ZEB2: variants seen among roughly 807,000 people sequenced by gnomAD.
ZEB2 encodes zinc finger E-box binding homeobox 2.
ZEB2 carries 6 observed loss-of-function variants against 99.9 expected under a neutral mutation model. The ratio of observed to expected loss-of-function variants is 0.06; its 90% CI spans 0.03 to 0.12. ZEB2 has a LOEUF of 0.12. Among genes scored for constraint, ZEB2 ranks in the 10% least tolerant of loss-of-function variants. The pLI, the probability that ZEB2 is intolerant of heterozygous loss-of-function variation, is 1.00. For missense variants in ZEB2, 969 were observed against 1,502.8 expected (o/e 0.64, Z 5.87); for synonymous variants, 517 against 542.5 (o/e 0.95, Z 0.65).
chr2:144,517,961 C>T (rs1705191226), intron 1 of ZEB2: 1 of 385,356 alleles, frequency 2.6e-6, no homozygotes, highest in Non-Finnish European at 4.8e-6. Flanking sequence ...CTCCCCTCCC[C>T]TTTTGGAGTT....
rs10710970 is a variant in ZEB2 at position 144,486,370 on chromosome 2, G to GT, written c.73+30907dup. ...AAAATGTCAAATAAGGTACTAGAAG[G>GT]TTTTTTTTTTTTTTAAAGAAAGAAT... is the stretch of plus-strand genomic sequence containing the variant. On this transcript the variant is annotated intron_variant, in intron 2 of 9. Coordinates refer to ENST00000627532, the MANE Select transcript of ZEB2 (RefSeq NM_014795.4). Among the ~76,000 whole-genome samples the GT allele has an allele frequency of 3.8e-3, 561 of 145,920 alleles. 4 individuals carry two copies. The highest frequency in any genetic ancestry group is 0.013 in the African/African-American group (529 of 40,074).
chr2:144,410,950 T>C (rs538838380), intron 4 of ZEB2, among the ~76,000 whole-genome samples: 1 of 150,686 alleles, frequency 6.6e-6, no homozygotes, highest in East Asian at 2.0e-4. Flanking sequence ...GTGCCAGTGT[T>C]CTTGGAAATG....
intron 2 of ZEB2, among the ~76,000 whole-genome samples, chr2:144,467,204 A>G (rs972345809): frequency 6.6e-6 from 1 of 152,184 alleles, no homozygotes; most frequent in African/African-American, 2.4e-5. Context: ...TAAAACTAAA[A>G]TAATTTTTAA....
chr2:144,389,797 T>C lies in ZEB2; in HGVS notation c.3299A>G (p.His1100Arg), dbSNP rs1703132438. 1 of 1,611,244 alleles carries C rather than the reference T, an allele frequency of 6.2e-7. No homozygotes were observed. The highest frequency in any genetic ancestry group is 8.5e-7 in the Non-Finnish European group (1 of 1,178,048). Residue 1100 changes from histidine (H) to arginine (R), a missense_variant, in exon 10 of 10, where the codon CAC becomes CGC. Transcript: ENST00000627532. This position sits in a 1 kb window ranked among gnomAD's most constrained non-coding sequence, Gnocchi z 6.8. The stretch of plus-strand genomic sequence containing the variant: ...CATCAGCAGCTCGGTGGGTTCCAAG[T>C]GCCCTTTCTCGCGCGCCTCGCGCTC... ...AAEREAREKG[H>R]LEPTELLMNR... is the part of the protein sequence containing the mutation.
intron 2 of ZEB2, among the ~76,000 whole-genome samples, chr2:144,478,981 T>C (rs1232246400): frequency 6.6e-6 from 1 of 152,240 alleles, no homozygotes; most frequent in Non-Finnish European, 1.5e-5. Context: ...AAAATGTTTA[T>C]CATTACCTTT....
intron 4 of ZEB2, among the ~76,000 whole-genome samples, chr2:144,423,894 G>A (rs1190478641): frequency 1.3e-5 from 2 of 151,926 alleles, no homozygotes; most frequent in African/African-American, 2.4e-5. Context: ...TTTCATGGAT[G>A]AGTTGAGTAG....
At chr2:144,453,158 T>C (rs973953029) in intron 2 of ZEB2, among the ~76,000 whole-genome samples, 1 of 152,256 alleles carries the variant, frequency 6.6e-6, no homozygotes, top group African/African-American at 2.4e-5. Context: ...CAGTTCGTGC[T>C]ATATTTAATA....
Position 144,465,012 on chromosome 2 carries a change from C to T in ZEB2, c.74-34986G>A, listed in dbSNP as rs1704252414. ...GGCCACTACTGTTCTGTTGAGATTC[C>T]ACATGCAACAGAAACACCTCACTTG... On this transcript the variant is annotated intron_variant, in intron 2 of 9. Transcript: ENST00000627532. 2.6e-5 allele frequency among the ~76,000 whole-genome samples: 4 copies of T among 152,252 alleles called. No individual in the cohort carries two copies. The South Asian group carries it at 8.3e-4, about 32-fold the overall frequency.
At chr2:144,461,137 G>A (rs1441337243) in intron 2 of ZEB2, 1 of 149,258 alleles carries the variant, frequency 6.7e-6, no homozygotes, top group Non-Finnish European at 1.5e-5. Flanking sequence ...CCAAGTAGAA[G>A]GGGAATGCTG....
At chr2:144,425,718 C>T (rs1032395766) in intron 3 of ZEB2, among the ~76,000 whole-genome samples, 8 of 152,114 alleles carry the variant, frequency 5.3e-5, no homozygotes, top group East Asian at 1.9e-4. Flanking sequence ...TTGTAGAGGA[C>T]GTAGGAGGAC....
intron 2 of ZEB2, among the ~76,000 whole-genome samples, chr2:144,443,715 T>C (rs1039492982): frequency 2.0e-5 from 3 of 152,242 alleles, no homozygotes; most frequent in African/African-American, 7.2e-5. Context: ...AACACCACAG[T>C]ATTTGTTCTC....
intron 2 of ZEB2, chr2:144,463,140 C>T (rs1704218082): frequency 6.6e-6 from 1 of 152,096 alleles, no homozygotes; most frequent in South Asian, 2.1e-4. Context: ...AGAAGTAACC[C>T]CCAAAGTTAA....
rs1287216549 is a variant in ZEB2, at chr2:144,436,411, G to A, written c.74-6385C>T. 2.0e-5 allele frequency among the ~76,000 whole-genome samples: 3 copies of A among 152,136 alleles called. No individual in the cohort carries two copies. In the South Asian group the frequency reaches 6.2e-4, roughly 32 times the overall value. On this transcript the variant is annotated intron_variant, in intron 2 of 9. Transcript: ENST00000627532. The stretch of plus-strand genomic sequence containing the variant: ...GCTGATAAAACAAAAGCAGTTCTCA[G>A]TATAGGGATAAAAATGTTTCCATTT...
chr2:144,437,289 ATGC>A (rs1398217982), intron 2 of ZEB2, among the ~76,000 whole-genome samples: 56 of 152,358 alleles, frequency 3.7e-4, no homozygotes, highest in Non-Finnish European at 4.4e-5. Flanking sequence ...GCATGATGGC[ATGC>A]TGAGGGAAGA....
At chr2:144,398,158 C>A (rs1396687588) in intron 8 of ZEB2, 143 bp downstream of exon 8, 47 of 971,498 alleles carry the variant, frequency 4.8e-5, no homozygotes, top group Non-Finnish European at 4.0e-5. Context: ...TGTTCTAGCC[C>A]ACTGATGGTT....
At chr2:144,401,474 T>C (rs1573718883) in intron 6 of ZEB2, among the ~76,000 whole-genome samples, 167 bp from the exon 7 acceptor site, 2 of 152,374 alleles carry the variant, frequency 1.3e-5, no homozygotes, top group South Asian at 2.1e-4. Context: ...ATAATGTTGG[T>C]AATAAAATTG....
intron 2 of ZEB2, among the ~76,000 whole-genome samples, chr2:144,439,718 C>G (rs1013656510): frequency 6.6e-6 from 1 of 152,152 alleles, no homozygotes; most frequent in Non-Finnish European, 1.5e-5. Flanking sequence ...AAAATAGGAG[C>G]CTTTTTGTTC....
chr2:144,488,932 C>T (rs1704637781), intron 2 of ZEB2, among the ~76,000 whole-genome samples: 1 of 152,132 alleles, frequency 6.6e-6, no homozygotes, highest in Admixed American at 6.6e-5. Context: ...CATCAACTCC[C>T]TTAATCTAAC....
Position 144,389,673 on chromosome 2 carries a change from C to G in ZEB2, c.3423G>C (p.Glu1141Asp), listed in dbSNP as rs1222412726. ...TCCCGTAGCCATCCTCGCCTTCTTTCTCGTGCTCCTTCTCGCTCTCGCCAT... is the reference window on the plus strand; with the variant it reads ...TCCCGTAGCCATCCTCGCCTTCTTTGTCGTGCTCCTTCTCGCTCTCGCCAT... ...PRDGESEKEH[E>D]KEGEDGYGKL... The change falls in exon 10 of 10, where the codon GAG becomes GAC. Residue 1141 changes from glutamate to aspartate, a missense_variant. Around this residue, in one of 8 missense-constraint regions of ZEB2, gnomAD observed 121 missense variants for 166.4 expected, o/e 0.73. Coordinates refer to ENST00000627532, the MANE Select transcript of ZEB2 (RefSeq NM_014795.4). The surrounding 1 kb of genome is among the most constrained non-coding windows in gnomAD (Gnocchi z 6.8). 1 of 1,614,176 alleles carries G rather than the reference C, an allele frequency of 6.2e-7. No individual in the cohort carries two copies.
Sources: gnomAD v4.1 joint callset for allele counts (sites outside exome capture counted in the v4.1 genomes callset) on GRCh38, gnomAD v4.1.1 for gene constraint, gnomAD v4.1.1 regional missense constraint, Gnocchi (gnomAD v3.1) non-coding constraint, MANE v1.5 for transcripts, NCBI Gene and HGNC (gene_info 2026-07-23, HGNC 2026-07-21) for gene names.